The following SLC1A2 variants were observed in gnomAD, a reference collection of about 807,000 sequenced individuals.
SLC1A2 encodes the protein excitatory amino acid transporter 2.
A neutral mutation model predicts 48.8 loss-of-function variants in SLC1A2; 15 were observed. The ratio of observed to expected loss-of-function variants is 0.31; its 90% CI spans 0.21 to 0.47. The LOEUF is 0.47. SLC1A2 is among the 20% of genes least tolerant of loss of function. The probability of loss-of-function intolerance (pLI) is 0.99; values close to 1 mark genes in which losing one functional copy is unlikely to be tolerated. For synonymous variants in SLC1A2, 279 were observed against 272.6 expected (o/e 1.02, Z -0.23); for missense variants, 502 against 730.5 (o/e 0.69, Z 3.61).
intron 10 of SLC1A2, among the ~76,000 whole-genome samples, chr11:35,264,295 A>C (rs986307181): frequency 2.0e-5 from 3 of 152,252 alleles, no homozygotes; most frequent in Non-Finnish European, 4.4e-5. Context: ...GTTGCCCAGC[A>C]AGAGCCACAG....
chr11:35,357,905 G>A (rs949763065), intron 1 of SLC1A2, among the ~76,000 whole-genome samples: 16 of 152,194 alleles, frequency 1.1e-4, no homozygotes, highest in African/African-American at 3.9e-4. Context: ...CCAGCGGTTT[G>A]GGAGGCCAAG....
intron 1 of SLC1A2, among the ~76,000 whole-genome samples, chr11:35,386,511 T>C (rs1218170177): frequency 6.6e-6 from 1 of 152,224 alleles, no homozygotes; most frequent in Non-Finnish European, 1.5e-5. Context: ...CTCAGATGGC[T>C]ATTTCAAGCA....
At chr11:35,361,275 A>G (rs1853672804) in intron 1 of SLC1A2, among the ~76,000 whole-genome samples, 1 of 152,232 alleles carries the variant, frequency 6.6e-6, no homozygotes, top group South Asian at 2.1e-4. Flanking sequence ...AGGCTCTGAG[A>G]AATTCTGCAG....
At chr11:35,384,407 A>G (rs1854524019) in intron 1 of SLC1A2, among the ~76,000 whole-genome samples, 1 of 152,230 alleles carries the variant, frequency 6.6e-6, no homozygotes, top group African/African-American at 2.4e-5. Context: ...TAATCCCATG[A>G]ATCTTTAAAA....
intron 1 of SLC1A2, among the ~76,000 whole-genome samples, chr11:35,368,456 G>T (rs1853936070): frequency 6.6e-6 from 1 of 152,192 alleles, no homozygotes; most frequent in Admixed American, 6.5e-5. Flanking sequence ...CTGCAGTCAT[G>T]CTCAATCAAT....
chr11:35,317,549 A>G (rs1340599237), intron 1 of SLC1A2, 33 bp from the exon 2 acceptor site: 12 of 1,603,292 alleles, frequency 7.5e-6, no homozygotes, highest in Non-Finnish European at 9.4e-6. Flanking sequence ...GATTAGAGAG[A>G]CTGGCACCTC....
chr11:35,418,852 C>CCCG lies in SLC1A2; in HGVS notation c.17+95_17+97dup, dbSNP rs1565315529. ...TACGGCTCCGCCACCACCTCCGAGGCCCGCCGCCGCCGCCTCTCTATCCGC... is the reference window on the plus strand; with the variant it reads ...TACGGCTCCGCCACCACCTCCGAGGCCCGCCGCCGCCGCCGCCTCTCTATCCGC... On this transcript the variant is annotated intron_variant, in intron 1 of 10. Transcript: ENST00000278379. 6 of 1,127,820 alleles carry CCCG rather than the reference C, an allele frequency of 5.3e-6. No individual in the cohort carries two copies. The East Asian group carries it at 1.6e-4, about 30-fold the overall frequency. 69.9% of individuals were successfully genotyped at this position (1,127,820 alleles called of 1,614,324 possible).
intron 1 of SLC1A2, among the ~76,000 whole-genome samples, chr11:35,394,464 C>A (rs932408867): frequency 1.3e-5 from 2 of 152,100 alleles, no homozygotes; most frequent in Non-Finnish European, 2.9e-5. Flanking sequence ...TCATTTAACT[C>A]CCCTGATGAA....
rs1292235818 is a variant in SLC1A2, at chr11:35,265,712, C to T, written c.1468G>A (p.Ala490Thr). ...SVNVVGDSFG[A>T]GIVYHLSKSE... Reference sequence around the variant, plus strand: ...TTGGAGAGGTGATAGACTATCCCAGCCCCAAAAGAGTCACCCACAACATTG... The same window carrying T: ...TTGGAGAGGTGATAGACTATCCCAGTCCCAAAAGAGTCACCCACAACATTG... Residue 490 changes from alanine to threonine, a missense_variant, in exon 10 of 11, where the codon GCT (alanine) becomes ACT (threonine). Ala to Thr is a moderately conservative substitution (Grantham distance 58). Around this residue, in one of 4 missense-constraint regions of SLC1A2, gnomAD observed 102 missense variants for 107.2 expected, o/e 0.95. Transcript: ENST00000278379. 8 of 1,613,834 alleles carry T rather than the reference C, an allele frequency of 5.0e-6. No homozygotes were observed. In the Admixed American group the frequency reaches 1.3e-4, roughly 27 times the overall value.
chr11:35,394,227 T>C lies in SLC1A2; in HGVS notation c.17+24723A>G, dbSNP rs1923306. Among the ~76,000 whole-genome samples the C allele has an allele frequency of 7.8e-3, 1,179 of 151,874 alleles. 26 individuals carry two copies. In the East Asian group the frequency reaches 0.084, roughly 11 times the overall value. The stretch of plus-strand genomic sequence containing the variant: ...ATGATGTTGCAGCAAAGGCCTGAGG[T>C]CCACACTCTGTCTCCCACGTGCCTT... On this transcript the variant is annotated intron_variant, in intron 1 of 10. Coordinates refer to ENST00000278379, the MANE Select transcript of SLC1A2 (RefSeq NM_004171.4).
chr11:35,296,082 G>A (rs1851163667), intron 6 of SLC1A2, among the ~76,000 whole-genome samples: 1 of 152,192 alleles, frequency 6.6e-6, no homozygotes, highest in South Asian at 2.1e-4. Flanking sequence ...AACTGCAACT[G>A]ATGAAACGCA....
At chr11:35,394,486 TAACTTTGGTCAAAAGAGC>T (rs991588515) in intron 1 of SLC1A2, among the ~76,000 whole-genome samples, 10 of 152,236 alleles carry the variant, frequency 6.6e-5, no homozygotes, top group Admixed American at 4.6e-4. Flanking sequence ...AAAAAATCCC[TAACTTTGGTCAAAAGAGC>T]ATGAACTTTG....
At chr11:35,413,546 C>T (rs577931921) in intron 1 of SLC1A2, 2 of 152,154 alleles carry the variant, frequency 1.3e-5, no homozygotes, top group South Asian at 4.2e-4. Context: ...ATCAGATCTC[C>T]CAATTTTTAA....
At position 35,281,105 on chromosome 11, in the gene SLC1A2, C is replaced by G. The variant is rs922637526; in HGVS notation, c.1287-104G>C. 14 of 1,417,224 alleles carry G rather than the reference C, an allele frequency of 9.9e-6. No individual in the cohort carries two copies. The East Asian group carries it at 3.7e-4, about 37-fold the overall frequency. The allele number at this position is 1,417,224 out of a possible 1,614,324, so 87.8% of individuals were successfully genotyped here. On this transcript the variant is annotated intron_variant, in intron 8 of 10. Coordinates refer to ENST00000278379, the MANE Select transcript of SLC1A2 (RefSeq NM_004171.4). Reference sequence around the variant, plus strand: ...TTTTCCTGCAGCCATAAAATTCATCCCCCAACCCCCACCCCATACTCTCCA... The same window carrying G: ...TTTTCCTGCAGCCATAAAATTCATCGCCCAACCCCCACCCCATACTCTCCA...
chr11:35,271,575 G>A (rs1850279962), intron 9 of SLC1A2, among the ~76,000 whole-genome samples: 1 of 152,190 alleles, frequency 6.6e-6, no homozygotes, highest in South Asian at 2.1e-4. Flanking sequence ...CTAGGGATCA[G>A]GTGAGATGAG....
chr11:35,265,889 C>T, intron 9 of SLC1A2, 131 bp from the exon 10 acceptor site: 1 of 616,382 alleles, frequency 1.6e-6, no homozygotes, highest in Non-Finnish European at 2.9e-6. Flanking sequence ...TGATTTGGGG[C>T]AAGTTACTTA....
At chr11:35,401,655 T>A (rs1019864384) in intron 1 of SLC1A2, among the ~76,000 whole-genome samples, 5 of 152,072 alleles carry the variant, frequency 3.3e-5, no homozygotes, top group African/African-American at 1.2e-4. Context: ...TGCATACTAT[T>A]TTTTTAATGT....
At chr11:35,305,488 C>A (rs1794495809) in intron 5 of SLC1A2, among the ~76,000 whole-genome samples, 3 of 152,192 alleles carry the variant, frequency 2.0e-5, no homozygotes, top group Admixed American at 2.0e-4. Context: ...TGCCCAACTG[C>A]AGAGCCCAAA....
chr11:35,298,199 T>C (rs532157393), intron 6 of SLC1A2: 1 of 152,212 alleles, frequency 6.6e-6, no homozygotes, highest in Non-Finnish European at 1.5e-5. Context: ...TAATATTAAG[T>C]ATTTAGCAGG....
Sources: allele counts gnomAD v4.1 joint callset (sites outside exome capture counted in the v4.1 genomes callset), GRCh38; gene constraint gnomAD v4.1.1; regional missense constraint gnomAD v4.1.1; transcripts MANE v1.5; gene names NCBI Gene and HGNC (gene_info 2026-07-23, HGNC 2026-07-21).